The following NQO2 variants were observed in gnomAD, a reference collection of about 807,000 sequenced individuals.
NQO2 encodes the protein N-ribosyldihydronicotinamide:quinone dehydrogenase 2, also known as ribosyldihydronicotinamide dehydrogenase [quinone].
Under a neutral mutation model 22.0 loss-of-function variants are expected in NQO2, and 18 were observed. That is an observed-to-expected ratio of 0.82 (90% CI 0.56 to 1.21). The LOEUF is 1.21. Ranked by LOEUF, NQO2 falls within the 50% of genes most tolerant of loss-of-function variation. The pLI, the probability that NQO2 is intolerant of heterozygous loss-of-function variation, is 0.00. For missense variants in NQO2, 267 were observed against 286.9 expected (o/e 0.93, Z 0.50); for synonymous variants, 106 against 110.8 (o/e 0.96, Z 0.28).
chr6:3,014,309 C>T (rs900057600), intron 4 of NQO2, among the ~76,000 whole-genome samples: 4 of 152,184 alleles, frequency 2.6e-5, no homozygotes, highest in Admixed American at 1.3e-4. Context: ...AAGTGCAGGA[C>T]GTCCTTTGTC....
intron 1 of NQO2, among the ~76,000 whole-genome samples, chr6:3,001,090 CTTTT>C (rs66489312): frequency 2.6e-5 from 3 of 114,220 alleles, no homozygotes; most frequent in African/African-American, 3.3e-5. Context: ...CTTTCTTTTT[CTTTT>C]TTTTTTTTTT....
At chr6:3,018,434 G>A (rs192375980) in intron 6 of NQO2, among the ~76,000 whole-genome samples, 1 of 152,332 alleles carries the variant, frequency 6.6e-6, no homozygotes, top group East Asian at 1.9e-4. Context: ...GAACCTGAGA[G>A]ACGGAGGTTG....
Position 3,015,083 on chromosome 6 carries a change from A to G in NQO2, c.304-447A>G, listed in dbSNP as rs1016275236. 4 of 1,291,272 alleles carry G rather than the reference A, an allele frequency of 3.1e-6. No homozygotes were observed. In the African/African-American group the frequency reaches 4.6e-5, roughly 15 times the overall value. 80.0% of individuals were successfully genotyped at this position (1,291,272 alleles called of 1,614,324 possible). ...TAGCGCTGGTCTAAGGAATACAAAC[A>G]TGACTTTAGTTGGTGTCTAAATCCA... On this transcript the variant is annotated intron_variant, in intron 4 of 6. Transcript: ENST00000380455.
At chr6:3,005,872 G>T (rs1331453529) in intron 1 of NQO2, 11 of 920,454 alleles carry the variant, frequency 1.2e-5, no homozygotes, top group Non-Finnish European at 1.4e-5. Flanking sequence ...GTGCTGCAGG[G>T]CCCACAGCTA....
At chr6:3,015,703 T>G in intron 5 of NQO2, 60 bp downstream of exon 5, 1 of 1,474,488 alleles carries the variant, frequency 6.8e-7, no homozygotes, top group Non-Finnish European at 9.4e-7. Flanking sequence ...AGAGGATGCG[T>G]CTTCTATCAA....
rs181125748 is a variant in NQO2 at position 3,008,478 on chromosome 6, G to A, written c.8-1547G>A. Among the ~76,000 whole-genome samples, 27 of 151,406 alleles carry A rather than the reference G, an allele frequency of 1.8e-4. No individual in the cohort carries two copies. The East Asian group carries it at 3.7e-3, about 21-fold the overall frequency. ...AAGTTTGGTGTTTCTGGCCAAGTGC[G>A]GTGGCTCATGCCTGTAATCCCAGCA... On this transcript the variant is annotated intron_variant, in intron 2 of 6. Coordinates refer to ENST00000380455, the MANE Select transcript of NQO2 (RefSeq NM_000904.6).
chr6:3,015,468 C>T (rs1757290625), intron 4 of NQO2, 62 bp from the exon 5 acceptor site: 1 of 1,580,062 alleles, frequency 6.3e-7, no homozygotes. Flanking sequence ...ACCAGATAAA[C>T]TAAACTAGGA....
At position 3,019,667 on chromosome 6, in the gene NQO2, G is replaced by A. The variant is rs112677559; in HGVS notation, c.*12G>A. 628 of 1,592,866 alleles carry A rather than the reference G, an allele frequency of 3.9e-4. 2 individuals are homozygous for A. Among genetic ancestry groups the A allele is most frequent in the East Asian group, 4.0e-4 (18 of 44,548 alleles). ...ACTTCGGGCAATAACTCTGTGGCAC[G>A]TGGGCATCACGTAAGCAGCACACTA... On this transcript the variant is annotated 3_prime_UTR_variant, in exon 7 of 7. Coordinates refer to ENST00000380455, the MANE Select transcript of NQO2 (RefSeq NM_000904.6).
Position 3,010,190 on chromosome 6 carries a change from G to A in NQO2, c.172+1G>A. On this transcript the variant is annotated splice_donor_variant, in intron 3 of 6. Coordinates refer to ENST00000380455, the MANE Select transcript of NQO2 (RefSeq NM_000904.6). LOFTEE classifies it high-confidence loss of function. ...AGGGCCACAGACAAAGATATCACTG[G>A]TGAGTCATGGGATAAATGCTCTATT... 1 of 1,605,276 alleles carries A rather than the reference G, an allele frequency of 6.2e-7. No homozygotes were observed. The highest frequency in any genetic ancestry group is 8.5e-7 in the Non-Finnish European group (1 of 1,175,478).
In NQO2 at chr6:3,006,122, C is replaced by T. The variant is rs1756942330; in HGVS notation, c.-85-346C>T. On this transcript the variant is annotated intron_variant, in intron 1 of 6. Transcript: ENST00000380455. The surrounding 1 kb of genome is among the most constrained non-coding windows in gnomAD (Gnocchi z 4.0). ...TTGGTGGTGTGGCGGTTCACTGATCCCCCAGCCTTCTGCTCGATCTACGGG... is the reference window on the plus strand; with the variant it reads ...TTGGTGGTGTGGCGGTTCACTGATCTCCCAGCCTTCTGCTCGATCTACGGG... 6.6e-6 allele frequency among the ~76,000 whole-genome samples: 1 copy of T among 152,200 alleles called. No individual in the cohort carries two copies. The highest frequency in any genetic ancestry group is 6.5e-5 in the Admixed American group (1 of 15,280).
intron 6 of NQO2, 72 bp downstream of exon 6, chr6:3,017,057 T>TACAC: frequency 1.3e-6 from 2 of 1,519,838 alleles, no homozygotes; most frequent in East Asian, 2.4e-5. Context: ...CACACATGCA[T>TACAC]ACACACACAC....
intron 4 of NQO2, chr6:3,015,162 AG>A: frequency 7.6e-7 from 1 of 1,307,190 alleles, no homozygotes; most frequent in Middle Eastern, 2.1e-4. Flanking sequence ...AACACACCCC[AG>A]GCAGGCGAAG....
chr6:3,010,825 T>C (rs1266587954), intron 3 of NQO2, among the ~76,000 whole-genome samples: 1 of 152,104 alleles, frequency 6.6e-6, no homozygotes, highest in East Asian at 1.9e-4. Context: ...CACACTACCA[T>C]GCTATCCCCT....
intron 1 of NQO2, chr6:3,002,236 C>G (rs780924500): frequency 6.1e-6 from 6 of 985,262 alleles, no homozygotes; most frequent in Non-Finnish European, 7.2e-6. Flanking sequence ...CTTTGGGAAT[C>G]AGGATAAGGT....
Position 3,016,857 on chromosome 6 carries a change from C to A in NQO2, c.418-27C>A, listed in dbSNP as rs187356300. ...TTTCTGTCCTCTTCTGGAGTCCACA[C>A]AAATGCATCTGCTTTCTCCCTTGCA... is the stretch of plus-strand genomic sequence containing the variant. On this transcript the variant is annotated intron_variant, in intron 5 of 6. Transcript: ENST00000380455. The A allele has an allele frequency of 3.8e-3, 6,158 of 1,611,536 alleles. 19 individuals carry two copies. Among genetic ancestry groups the A allele is most frequent in the Non-Finnish European group, 4.4e-3 (5,235 of 1,179,460 alleles).
chr6:3,018,476 GC>G (rs1757417114), intron 6 of NQO2, among the ~76,000 whole-genome samples: 1 of 152,194 alleles, frequency 6.6e-6, no homozygotes, highest in South Asian at 2.1e-4. Context: ...CTGCACTCCA[GC>G]CTGGGCAACA....
At chr6:3,002,927 A>T (rs186492346) in intron 1 of NQO2, among the ~76,000 whole-genome samples, 194 of 152,114 alleles carry the variant, frequency 1.3e-3, no homozygotes, top group Middle Eastern at 3.4e-3. Context: ...CTAATTTTTA[A>T]AAATCTTTGG....
At chr6:3,018,066 T>C (rs1249724059) in intron 6 of NQO2, among the ~76,000 whole-genome samples, 1 of 152,234 alleles carries the variant, frequency 6.6e-6, no homozygotes, top group Non-Finnish European at 1.5e-5. Flanking sequence ...CTATTATAAA[T>C]AGGATTTTGT....
At chr6:3,012,738 A>G (rs1757179352) in intron 4 of NQO2, 64 bp downstream of exon 4, 1 of 1,531,228 alleles carries the variant, frequency 6.5e-7, no homozygotes, top group Non-Finnish European at 8.9e-7. Context: ...CTTTCTGAAT[A>G]TTGAGTTTTG....
Sources: allele counts gnomAD v4.1 joint callset (sites outside exome capture counted in the v4.1 genomes callset), GRCh38; gene constraint gnomAD v4.1.1; non-coding constraint Gnocchi (gnomAD v3.1); transcripts MANE v1.5; gene names NCBI Gene and HGNC (gene_info 2026-07-23, HGNC 2026-07-21).